Variants in ADCY2 observed in about 807,000 individuals in gnomAD.
ADCY2 encodes the protein adenylate cyclase type 2.
ADCY2 carries 31 observed loss-of-function variants against 125.2 expected under a neutral mutation model. The ratio of observed to expected loss-of-function variants is 0.25; its 90% confidence interval spans 0.19 to 0.33. The LOEUF is 0.33. Ranked by LOEUF, ADCY2 falls within the 10% of genes least tolerant of loss-of-function variation. The pLI is 1.00. For missense variants in ADCY2, 904 were observed against 1,418.2 expected, an observed-to-expected ratio of 0.64 and a Z score of 5.82; for synonymous variants, 512 against 548.4, an observed-to-expected ratio of 0.93 and a Z score of 0.93.
chr5:7,804,497 G>T, intron 21 of ADCY2, 88 bp from the exon 22 acceptor site: 1 of 1,027,034 alleles, frequency 9.7e-7, no homozygotes, highest in Non-Finnish European at 1.5e-6. Flanking sequence ...GCATTACTGT[G>T]AACCAGCATT....
chr5:7,724,711 A>G, intron 13 of ADCY2, 97 bp downstream of exon 13: 1 of 819,756 alleles, frequency 1.2e-6, no homozygotes, highest in Admixed American at 2.8e-5. Flanking sequence ...TGACATTTAA[A>G]CTGCCTCTGA....
intron 3 of ADCY2, among the ~76,000 whole-genome samples, chr5:7,523,700 A>G (rs1370792841): frequency 1.3e-5 from 2 of 152,228 alleles, no homozygotes; most frequent in Non-Finnish European, 2.9e-5. Flanking sequence ...GAGGTTCCAG[A>G]AAAACACTTT....
intron 3 of ADCY2, among the ~76,000 whole-genome samples, chr5:7,553,231 A>G (rs1040064198): frequency 6.6e-5 from 10 of 152,314 alleles, no homozygotes; most frequent in Non-Finnish European, 1.3e-4. Flanking sequence ...GTGCCTAAAT[A>G]GGATCCCAGA....
At chr5:7,818,080 T>C (rs1745175762) in intron 23 of ADCY2, among the ~76,000 whole-genome samples, 1 of 152,176 alleles carries the variant, frequency 6.6e-6, no homozygotes, top group Non-Finnish European at 1.5e-5. Flanking sequence ...ATGGTTTTCT[T>C]GGCAACACAT....
chr5:7,505,964 A>T (rs1170147928), intron 2 of ADCY2, among the ~76,000 whole-genome samples: 2 of 146,712 alleles, frequency 1.4e-5, no homozygotes, highest in African/African-American at 2.5e-5. Context: ...ATAACATTTT[A>T]TTTTTTTTTT....
In ADCY2 at chr5:7,416,483, A is replaced by G. The variant is rs546048592; in HGVS notation, c.408+1713A>G. Among the ~76,000 whole-genome samples, 5 of 152,274 alleles carry G rather than the reference A, an allele frequency of 3.3e-5. No homozygotes were observed. The East Asian group carries it at 9.7e-4, about 29-fold the overall frequency. ...ACACTCTGTCCTTCCCCACTCAATTAGAAATCCTGGCTAATACAATTAGAC... is the reference window on the plus strand; with the variant it reads ...ACACTCTGTCCTTCCCCACTCAATTGGAAATCCTGGCTAATACAATTAGAC... On this transcript the variant is annotated intron_variant, in intron 2 of 24. Coordinates refer to ENST00000338316, the MANE Select transcript of ADCY2 (RefSeq NM_020546.3).
intron 1 of ADCY2, among the ~76,000 whole-genome samples, chr5:7,402,267 ATT>A (rs1417867891): frequency 1.3e-5 from 2 of 152,222 alleles, no homozygotes; most frequent in Admixed American, 6.5e-5. Context: ...ACAGAAAAGG[ATT>A]AAGTTAGCTC....
chr5:7,521,035 C>G, intron 3 of ADCY2, 136 bp downstream of exon 3: 1 of 1,018,812 alleles, frequency 9.8e-7, no homozygotes, highest in Non-Finnish European at 1.4e-6. Context: ...GAGACTGACC[C>G]CCTATAACAC....
intron 3 of ADCY2, among the ~76,000 whole-genome samples, chr5:7,587,680 A>T (rs1372790339): frequency 6.6e-6 from 1 of 152,220 alleles, no homozygotes; most frequent in Non-Finnish European, 1.5e-5. Context: ...TTCATCTTTA[A>T]TTAAGAACAA....
At chr5:7,764,949 T>G (rs186624959) in intron 16 of ADCY2, among the ~76,000 whole-genome samples, 111 of 152,320 alleles carry the variant, frequency 7.3e-4, no homozygotes, top group African/African-American at 2.6e-3. Context: ...AAGAGTTTCT[T>G]GAATTTACGG....
intron 4 of ADCY2, chr5:7,654,225 C>A: frequency 2.2e-6 from 1 of 446,998 alleles, no homozygotes; most frequent in Non-Finnish European, 4.5e-6. Flanking sequence ...CAGAGACAGC[C>A]CAGTAGACAG....
chr5:7,799,158 A>G (rs1000044401), intron 20 of ADCY2: 3 of 152,240 alleles, frequency 2.0e-5, no homozygotes, highest in Non-Finnish European at 2.9e-5. Flanking sequence ...TTGGGTAGCC[A>G]TATGCTGACA....
chr5:7,615,332 T>C (rs1313774672), intron 3 of ADCY2, among the ~76,000 whole-genome samples: 1 of 152,198 alleles, frequency 6.6e-6, no homozygotes, highest in Non-Finnish European at 1.5e-5. Context: ...ACTTCTGAAT[T>C]CCTTGCTGGT....
At chr5:7,814,985 A>G (rs1223101544) in intron 22 of ADCY2, among the ~76,000 whole-genome samples, 2 of 151,940 alleles carry the variant, frequency 1.3e-5, no homozygotes, top group African/African-American at 4.8e-5. Context: ...GCATATTGCC[A>G]GCTCAACCCT....
chr5:7,493,243 A>G (rs1476450637), intron 2 of ADCY2, among the ~76,000 whole-genome samples: 1 of 152,212 alleles, frequency 6.6e-6, no homozygotes, highest in African/African-American at 2.4e-5. Context: ...GCCTGGGTCC[A>G]TCTCTCCATG....
rs547335028 is a variant in ADCY2 at position 7,791,435 on chromosome 5, G to T, written c.2628+1635G>T. Among the ~76,000 whole-genome samples the T allele has an allele frequency of 1.2e-4, 18 of 152,286 alleles. No homozygotes were observed. In the South Asian group the frequency reaches 3.5e-3, roughly 30 times the overall value. On this transcript the variant is annotated intron_variant, in intron 20 of 24. Coordinates refer to ENST00000338316, the MANE Select transcript of ADCY2 (RefSeq NM_020546.3). Reference sequence around the variant, plus strand: ...AACAGTATTTTTCTGTAGCGGATTTGAAGTTGGCATTAAGAAGAAGGTGCC... The same window carrying T: ...AACAGTATTTTTCTGTAGCGGATTTTAAGTTGGCATTAAGAAGAAGGTGCC...
intron 2 of ADCY2, among the ~76,000 whole-genome samples, chr5:7,492,224 G>A (rs1743188750): frequency 1.3e-5 from 2 of 152,228 alleles, no homozygotes; most frequent in African/African-American, 4.8e-5. Flanking sequence ...TGTGACCACA[G>A]GACAGGGCGT....
intron 1 of ADCY2, among the ~76,000 whole-genome samples, chr5:7,399,408 T>G (rs983130710): frequency 6.6e-6 from 1 of 152,262 alleles, no homozygotes; most frequent in Non-Finnish European, 1.5e-5. Context: ...TTCATTTTGA[T>G]TTAATATTTC....
intron 2 of ADCY2, among the ~76,000 whole-genome samples, chr5:7,425,352 T>C (rs2126361015): frequency 6.6e-6 from 1 of 152,360 alleles, no homozygotes; most frequent in Admixed American, 6.5e-5. Flanking sequence ...GTGTTTGTCA[T>C]GGAATTCCAA....
Sources: gnomAD v4.1 joint callset for allele counts (sites outside exome capture counted in the v4.1 genomes callset) on GRCh38, gnomAD v4.1.1 for gene constraint, MANE v1.5 for transcripts, NCBI Gene and HGNC (gene_info 2026-07-23, HGNC 2026-07-21) for gene names.